Variants in SPATA16 observed in about 807,000 individuals in gnomAD.
SPATA16 encodes spermatogenesis-associated protein 16.
A neutral mutation model predicts 63.3 loss-of-function variants in SPATA16; 36 were observed. The observed-to-expected ratio is 0.57, with a 90% CI of 0.44 to 0.75. The LOEUF (loss-of-function observed/expected upper bound fraction) is 0.75, where lower values mean the gene tolerates loss of function less well. Ranked by LOEUF, SPATA16 falls within the 30% of genes least tolerant of loss-of-function variation. The probability of loss-of-function intolerance (pLI) is 0.00; values close to 1 mark genes in which losing one functional copy is unlikely to be tolerated. For synonymous variants in SPATA16, 203 were observed against 216.7 expected, an observed-to-expected ratio of 0.94 and a Z score of 0.56; for missense variants, 646 against 679.3, an observed-to-expected ratio of 0.95 and a Z score of 0.54.
intron 5 of SPATA16, among the ~76,000 whole-genome samples, chr3:172,964,929 C>T (rs989115293): frequency 1.3e-5 from 2 of 152,144 alleles, no homozygotes; most frequent in Non-Finnish European, 2.9e-5. Flanking sequence ...GATTTGAGGA[C>T]GTTTCATCTG....
chr3:172,969,787 G>A lies in SPATA16; in HGVS notation c.933+7181C>T, dbSNP rs184194843. On this transcript the variant is annotated intron_variant, in intron 5 of 10. Transcript: ENST00000351008. ...AGAAGAATCTACCCTTTGCTCTTGGGCTTGATCGTGTGGCTTGCTTTGGCT... is the reference window on the plus strand; with the variant it reads ...AGAAGAATCTACCCTTTGCTCTTGGACTTGATCGTGTGGCTTGCTTTGGCT... Among the ~76,000 whole-genome samples, 19 of 152,268 alleles carry A rather than the reference G, an allele frequency of 1.2e-4. No individual in the cohort carries two copies. The East Asian group carries it at 3.7e-3, about 29-fold the overall frequency.
At chr3:173,135,435 A>AT (rs1035793186) in intron 1 of SPATA16, among the ~76,000 whole-genome samples, 5 of 152,308 alleles carry the variant, frequency 3.3e-5, no homozygotes, top group Admixed American at 2.0e-4. Flanking sequence ...GTACTGGCAG[A>AT]TTTTTTCCTA....
chr3:173,139,116 A>C (rs1738630248), intron 1 of SPATA16, among the ~76,000 whole-genome samples: 1 of 152,202 alleles, frequency 6.6e-6, no homozygotes, highest in Non-Finnish European at 1.5e-5. Flanking sequence ...AATTGTTGAG[A>C]AGAGTAATAT....
chr3:173,137,329 A>G (rs550645230), intron 1 of SPATA16, among the ~76,000 whole-genome samples: 1 of 152,182 alleles, frequency 6.6e-6, no homozygotes, highest in African/African-American at 2.4e-5. Flanking sequence ...GATCTGGAAG[A>G]ATAAAAAATA....
At chr3:173,082,424 C>T (rs928683786) in intron 2 of SPATA16, among the ~76,000 whole-genome samples, 4 of 152,172 alleles carry the variant, frequency 2.6e-5, no homozygotes, top group Admixed American at 1.3e-4. Context: ...CCTTCCTTCC[C>T]GCTTCTGCCT....
At chr3:173,101,815 C>T (rs183526284) in intron 2 of SPATA16, among the ~76,000 whole-genome samples, 336 of 152,194 alleles carry the variant, frequency 2.2e-3, no homozygotes, top group African/African-American at 6.8e-3. Flanking sequence ...TCTTTTACTC[C>T]CATATCCTCC....
At chr3:173,029,836 G>C (rs967982868) in intron 3 of SPATA16, among the ~76,000 whole-genome samples, 1 of 151,938 alleles carries the variant, frequency 6.6e-6, no homozygotes, top group Non-Finnish European at 1.5e-5. Flanking sequence ...AGAGTGTAAT[G>C]GTGTGATCAT....
rs188217574 is a variant in SPATA16, at chr3:172,980,487, T to C, written c.849-3435A>G. 2.6e-5 allele frequency among the ~76,000 whole-genome samples: 4 copies of C among 152,342 alleles called. No individual in the cohort carries two copies. In the East Asian group the frequency reaches 7.7e-4, roughly 29 times the overall value. On this transcript the variant is annotated intron_variant, in intron 4 of 10. Coordinates refer to ENST00000351008, the MANE Select transcript of SPATA16 (RefSeq NM_031955.6). The stretch of plus-strand genomic sequence containing the variant: ...GAATGTTGTACCTGCAATGGAGCTA[T>C]AAGATCATGTTAGGCAAACCCTTTT...
At chr3:172,975,396 G>A (rs964226818) in intron 5 of SPATA16, among the ~76,000 whole-genome samples, 5 of 152,092 alleles carry the variant, frequency 3.3e-5, no homozygotes, top group Non-Finnish European at 5.9e-5. Context: ...TCAAGCATTC[G>A]CTGGGGACCT....
At chr3:172,936,769 G>C (rs563246924) in intron 6 of SPATA16, among the ~76,000 whole-genome samples, 1 of 152,084 alleles carries the variant, frequency 6.6e-6, no homozygotes, top group Non-Finnish European at 1.5e-5. Flanking sequence ...ATGCAATGGC[G>C]TGATCTCGGC....
intron 5 of SPATA16, among the ~76,000 whole-genome samples, chr3:172,975,391 C>G (rs1734131443): frequency 2.6e-5 from 4 of 152,166 alleles, no homozygotes; most frequent in Non-Finnish European, 5.9e-5. Context: ...TTAAGTCAAG[C>G]ATTCGCTGGG....
intron 3 of SPATA16, among the ~76,000 whole-genome samples, chr3:173,048,206 G>A (rs1015431493): frequency 6.6e-6 from 1 of 152,076 alleles, no homozygotes; most frequent in Non-Finnish European, 1.5e-5. Context: ...ATTGCTCAAA[G>A]TCAGGCAGGG....
At chr3:173,054,733 C>T (rs953775741) in intron 2 of SPATA16, among the ~76,000 whole-genome samples, 1 of 151,954 alleles carries the variant, frequency 6.6e-6, no homozygotes, top group Non-Finnish European at 1.5e-5. Context: ...GTACGTTCCG[C>T]ACATGTATCC....
chr3:173,099,811 C>T (rs1193843670), intron 2 of SPATA16, among the ~76,000 whole-genome samples: 1 of 152,198 alleles, frequency 6.6e-6, no homozygotes, highest in African/African-American at 2.4e-5. Context: ...CTGTCGTCAG[C>T]ATGCGCTTAT....
intron 10 of SPATA16, among the ~76,000 whole-genome samples, chr3:172,903,555 A>G (rs1297292961): frequency 6.6e-6 from 1 of 152,186 alleles, no homozygotes; most frequent in Non-Finnish European, 1.5e-5. Context: ...TTGTGTTTTC[A>G]CTGAAAGCCT....
chr3:172,934,061 T>TA (rs1732928234), intron 6 of SPATA16, among the ~76,000 whole-genome samples: 1 of 152,158 alleles, frequency 6.6e-6, no homozygotes. Context: ...TAACAAGACT[T>TA]ACATTTATAA....
chr3:173,112,849 G>A (rs1737783262), intron 2 of SPATA16, among the ~76,000 whole-genome samples: 1 of 152,296 alleles, frequency 6.6e-6, no homozygotes. Context: ...ATTGTTTGAA[G>A]CTGTGAATCT....
intron 4 of SPATA16, among the ~76,000 whole-genome samples, chr3:173,010,833 T>C (rs931730941): frequency 3.3e-5 from 5 of 152,044 alleles, no homozygotes; most frequent in Admixed American, 2.0e-4. Flanking sequence ...ACCTGAGAGT[T>C]CAGCCAGTGA....
chr3:172,955,357 C>T (rs1046818581), intron 6 of SPATA16, among the ~76,000 whole-genome samples: 81 of 152,128 alleles, frequency 5.3e-4, no homozygotes, highest in African/African-American at 1.9e-3. Context: ...ATAGATATGA[C>T]TTTTATGTGC....
Sources: gnomAD v4.1 joint callset for allele counts (sites outside exome capture counted in the v4.1 genomes callset) on GRCh38, gnomAD v4.1.1 for gene constraint, MANE v1.5 for transcripts, NCBI Gene and HGNC (gene_info 2026-07-23, HGNC 2026-07-21) for gene names.